CACUL1: variants seen among roughly 807,000 people sequenced by gnomAD.
CACUL1 encodes CDK2 associated cullin domain 1.
CACUL1 carries 13 observed loss-of-function variants against 45.2 expected under a neutral mutation model. The ratio of observed to expected loss-of-function variants is 0.29; its 90% CI spans 0.19 to 0.46. The LOEUF (loss-of-function observed/expected upper bound fraction) is 0.46, where lower values mean the gene tolerates loss of function less well. CACUL1 is among the 20% of genes least tolerant of loss of function. The pLI is 1.00. For missense variants in CACUL1, 421 were observed against 471.4 expected, an observed-to-expected ratio of 0.89 and a Z score of 0.99; for synonymous variants, 197 against 174.2, an observed-to-expected ratio of 1.13 and a Z score of -1.03.
intron 5 of CACUL1, among the ~76,000 whole-genome samples, chr10:118,696,098 T>A (rs1054057025): frequency 6.6e-6 from 1 of 152,196 alleles, no homozygotes; most frequent in Non-Finnish European, 1.5e-5. Flanking sequence ...GATTTTACAG[T>A]CTCAAACGTA....
rs369141874 is a variant in CACUL1, at chr10:118,754,480, C to T, written c.283G>A (p.Asp95Asn). The change falls in exon 1 of 9, where the codon GAC (aspartate) becomes AAC (asparagine). Residue 95 changes from aspartate (D) to asparagine (N), a missense_variant. This residue lies in a region of CACUL1 where 213 missense variants were observed against 173.1 expected (regional missense o/e 1.23). Transcript: ENST00000369151. ...NGVIMMLKSC[D>N]AAAAVAKAAP... is the part of the protein sequence containing the mutation. ...GCCTTGGCCACGGCGGCGGCCGCGT[C>T]GCAGCTCTTCAACATCATGATCACC... The T allele has an allele frequency of 3.7e-6, 6 of 1,611,540 alleles. No individual in the cohort carries two copies. The African/African-American group carries it at 6.7e-5, about 18-fold the overall frequency.
chr10:118,715,409 ATTTG>A (rs1394605437), intron 3 of CACUL1, among the ~76,000 whole-genome samples: 2 of 152,200 alleles, frequency 1.3e-5, no homozygotes, highest in African/African-American at 2.4e-5. Context: ...GAAGAGGATT[ATTTG>A]TTTAAATAAT....
At chr10:118,748,957 CAGG>C (rs1376623395) in intron 1 of CACUL1, among the ~76,000 whole-genome samples, 3 of 152,030 alleles carry the variant, frequency 2.0e-5, no homozygotes, top group South Asian at 2.1e-4. Flanking sequence ...GAAGAAGAGT[CAGG>C]AGGAGGGAGG....
chr10:118,706,023 T>G (rs1006863496), intron 4 of CACUL1, among the ~76,000 whole-genome samples: 1 of 152,230 alleles, frequency 6.6e-6, no homozygotes, highest in Non-Finnish European at 1.5e-5. Context: ...TGAAGTTCGT[T>G]TATTCTTAAT....
chr10:118,721,024 A>C (rs1418404239), intron 3 of CACUL1, among the ~76,000 whole-genome samples: 1 of 152,246 alleles, frequency 6.6e-6, no homozygotes, highest in Non-Finnish European at 1.5e-5. Context: ...TGAAGAAAGG[A>C]TATCAAGCAA....
At chr10:118,719,667 C>T (rs866861869) in intron 3 of CACUL1, among the ~76,000 whole-genome samples, 25 of 152,194 alleles carry the variant, frequency 1.6e-4, no homozygotes, top group Admixed American at 7.2e-4. Flanking sequence ...TAAAATTAGC[C>T]GGGTGTGGTG....
intron 1 of CACUL1, among the ~76,000 whole-genome samples, chr10:118,751,599 C>T (rs951241642): frequency 6.6e-6 from 1 of 152,198 alleles, no homozygotes; most frequent in African/African-American, 2.4e-5. Context: ...ACTTTAACTA[C>T]AGCCTTGACA....
intron 3 of CACUL1, among the ~76,000 whole-genome samples, chr10:118,712,309 G>A (rs1845494107): frequency 6.6e-6 from 1 of 152,172 alleles, no homozygotes; most frequent in Admixed American, 6.5e-5. Context: ...GTGGTGCCTG[G>A]AAGCTTGAAA....
At position 118,735,194 on chromosome 10, in the gene CACUL1, T is replaced by G. The variant is rs190781995; in HGVS notation, c.368-4784A>C. 6.5e-3 allele frequency among the ~76,000 whole-genome samples: 996 copies of G among 152,332 alleles called. 8 individuals are homozygous for G. The highest frequency in any genetic ancestry group is 0.011 in the Non-Finnish European group (767 of 68,030). Reference sequence around the variant, plus strand: ...TGAAAGATATACTACTTATTAGCTGTTTTGCAATTAAAGCTTAAATTACAT... The same window carrying G: ...TGAAAGATATACTACTTATTAGCTGGTTTGCAATTAAAGCTTAAATTACAT... On this transcript the variant is annotated intron_variant, in intron 1 of 8. Coordinates refer to ENST00000369151, the MANE Select transcript of CACUL1 (RefSeq NM_153810.5).
intron 7 of CACUL1, among the ~76,000 whole-genome samples, chr10:118,689,688 A>C (rs1845242577): frequency 6.6e-6 from 1 of 152,088 alleles, no homozygotes; most frequent in African/African-American, 2.4e-5. Flanking sequence ...CTGACATAAG[A>C]GCTACTATAA....
rs1845099249 is a variant in CACUL1, at chr10:118,676,526, A to G, written c.*9602T>C. 6.6e-6 allele frequency: 1 copy of G among 152,220 alleles called. No individual in the cohort carries two copies. Among genetic ancestry groups the G allele is most frequent in the Non-Finnish European group, 1.5e-5 (1 of 68,034 alleles). The allele number at this position is 152,220 out of a possible 1,614,324, so 9.4% of individuals were successfully genotyped here. On this transcript the variant is annotated 3_prime_UTR_variant, in exon 9 of 9. Transcript: ENST00000369151. ...AGCACAGCCATATTTGGATCCACAG[A>G]TCTTAATTAATGAAGTGACTTATTC...
At chr10:118,739,699 C>T (rs2119663330) in intron 1 of CACUL1, among the ~76,000 whole-genome samples, 1 of 152,296 alleles carries the variant, frequency 6.6e-6, no homozygotes, top group Admixed American at 6.5e-5. Flanking sequence ...TGGGAAGTCC[C>T]TGAGTGGCAA....
At chr10:118,713,064 C>T (rs1265078655) in intron 3 of CACUL1, among the ~76,000 whole-genome samples, 2 of 152,228 alleles carry the variant, frequency 1.3e-5, no homozygotes, top group African/African-American at 2.4e-5. Flanking sequence ...AGGCCAGCGC[C>T]AAGCTGCCCT....
In CACUL1 at chr10:118,679,106, T is replaced by A. The variant is rs1320184438; in HGVS notation, c.*7022A>T. 2 of 152,220 alleles carry A rather than the reference T, an allele frequency of 1.3e-5. No homozygotes were observed. Among genetic ancestry groups the A allele is most frequent in the Non-Finnish European group, 2.9e-5 (2 of 68,042 alleles). The allele number at this position is 152,220 out of a possible 1,614,324, so 9.4% of individuals were successfully genotyped here. A position where few individuals can be genotyped will look rare whatever the true frequency, so the allele number is the denominator to read the frequency against. ...TGAAATGCAGTGGTATCATCATAGC[T>A]CAATGCAGCCTCAAACTCCTGGGCT... is the stretch of plus-strand genomic sequence containing the variant. On this transcript the variant is annotated 3_prime_UTR_variant, in exon 9 of 9. Coordinates refer to ENST00000369151, the MANE Select transcript of CACUL1 (RefSeq NM_153810.5).
At chr10:118,750,152 C>T (rs375221746) in intron 1 of CACUL1, among the ~76,000 whole-genome samples, 18 of 151,978 alleles carry the variant, frequency 1.2e-4, no homozygotes, top group East Asian at 9.6e-4. Context: ...CATGGTGAAA[C>T]ACATCTCTAC....
chr10:118,707,701 C>CAAAAAAAAAAA (rs879008510), intron 3 of CACUL1, 114 bp from the exon 4 acceptor site: 1 of 291,854 alleles, frequency 3.4e-6, no homozygotes, highest in African/African-American at 3.0e-5. Flanking sequence ...TCACAATTAA[C>CAAAAAAAAAAA]AAAAAAAAAA....
chr10:118,680,203 G>A lies in CACUL1; in HGVS notation c.*5925C>T, dbSNP rs545186743. The A allele has an allele frequency of 1.3e-5, 2 of 152,130 alleles. No individual in the cohort carries two copies. Among genetic ancestry groups the A allele is most frequent in the South Asian group, 4.1e-4 (2 of 4,824 alleles). 9.4% of individuals were successfully genotyped at this position (152,130 alleles called of 1,614,324 possible). ...TAGAATTTTAGATAATTGAGAAACA[G>A]GCCAATCGAAGAAATAAAATTCACA... On this transcript the variant is annotated 3_prime_UTR_variant, in exon 9 of 9. Coordinates refer to ENST00000369151, the MANE Select transcript of CACUL1 (RefSeq NM_153810.5).
In CACUL1 at chr10:118,754,497, A is replaced by G. The variant is rs775993918; in HGVS notation, c.266T>C (p.Met89Thr). 1.9e-6 allele frequency: 3 copies of G among 1,613,280 alleles called. No individual in the cohort carries two copies. The highest frequency in any genetic ancestry group is 1.7e-5 in the Admixed American group (1 of 59,976). The change falls in exon 1 of 9, where the codon ATG becomes ACG. Residue 89 changes from methionine (M) to threonine (T), a missense_variant. Coordinates refer to ENST00000369151, the MANE Select transcript of CACUL1 (RefSeq NM_153810.5). Reference sequence around the variant, plus strand: ...GGCCGCGTCGCAGCTCTTCAACATCATGATCACCCCATTAGCCTCCGGCGG... The same window carrying G: ...GGCCGCGTCGCAGCTCTTCAACATCGTGATCACCCCATTAGCCTCCGGCGG... ...QPPPEANGVI[M>T]MLKSCDAAAA...
At chr10:118,736,480 G>A (rs2119656069) in intron 1 of CACUL1, among the ~76,000 whole-genome samples, 1 of 151,738 alleles carries the variant, frequency 6.6e-6, no homozygotes, top group East Asian at 1.9e-4. Context: ...CTCCCTCTGG[G>A]GCTCAAGTGA....
Sources: allele counts gnomAD v4.1 joint callset (sites outside exome capture counted in the v4.1 genomes callset), GRCh38; gene constraint gnomAD v4.1.1; regional missense constraint gnomAD v4.1.1; transcripts MANE v1.5; gene names NCBI Gene and HGNC (gene_info 2026-07-23, HGNC 2026-07-21).